PDE7B: variants seen among roughly 807,000 people sequenced by gnomAD.
PDE7B encodes the protein phosphodiesterase 7B.
Under a neutral mutation model 56.2 loss-of-function variants are expected in PDE7B, and 29 were observed. The ratio of observed to expected loss-of-function variants is 0.52; its 90% CI spans 0.38 to 0.70. The LOEUF is 0.70. PDE7B is among the 30% of genes least tolerant of loss of function. PDE7B has a pLI of 0.00. For synonymous variants in PDE7B, 197 were observed against 196.9 expected (o/e 1.00, Z 0.00); for missense variants, 490 against 565.0 (o/e 0.87, Z 1.35).
chr6:136,081,207 T>C (rs575075786), intron 2 of PDE7B, among the ~76,000 whole-genome samples: 1 of 152,056 alleles, frequency 6.6e-6, no homozygotes, highest in South Asian at 2.1e-4. Context: ...CAGTATGATT[T>C]TGGGAGATGG....
intron 1 of PDE7B, among the ~76,000 whole-genome samples, chr6:135,906,810 GTTT>G (rs869049424): frequency 0.025 from 1,485 of 59,502 alleles, 43 homozygotes; most frequent in African/African-American, 0.093. Flanking sequence ...AATGAGGTTT[GTTT>G]TTTTTTTTTT....
intron 2 of PDE7B, among the ~76,000 whole-genome samples, chr6:136,004,691 A>G (rs1775743589): frequency 6.6e-6 from 1 of 152,190 alleles, no homozygotes; most frequent in South Asian, 2.1e-4. Flanking sequence ...CCACTGCTCA[A>G]GGAAATAAAA....
At position 135,947,576 on chromosome 6, in the gene PDE7B, G is replaced by A. The variant is rs559641554; in HGVS notation, c.82+52G>A. 2.2e-5 allele frequency: 30 copies of A among 1,343,586 alleles called. No individual in the cohort carries two copies. In the South Asian group the frequency reaches 2.6e-4, roughly 12 times the overall value. The allele number at this position is 1,343,586 out of a possible 1,614,324, so 83.2% of individuals were successfully genotyped here. Reference sequence around the variant, plus strand: ...ATTAAGCATGTTGATGTCATGTGGAGTTATCATTCTGTTGCCTTTTTGGCT... The same window carrying A: ...ATTAAGCATGTTGATGTCATGTGGAATTATCATTCTGTTGCCTTTTTGGCT... On this transcript the variant is annotated intron_variant, in intron 2 of 12. Coordinates refer to ENST00000308191, the MANE Select transcript of PDE7B (RefSeq NM_018945.4).
chr6:136,162,655 C>T (rs1054434637), intron 8 of PDE7B, among the ~76,000 whole-genome samples: 1 of 152,144 alleles, frequency 6.6e-6, no homozygotes, highest in African/African-American at 2.4e-5. Flanking sequence ...AGTCCAAGTC[C>T]ATAGTCTCAT....
intron 1 of PDE7B, among the ~76,000 whole-genome samples, chr6:135,867,656 C>T (rs1354527806): frequency 6.6e-6 from 1 of 152,148 alleles, no homozygotes; most frequent in Non-Finnish European, 1.5e-5. Flanking sequence ...AAACGTTACT[C>T]TTCTCCGTTG....
At chr6:135,862,348 A>G (rs1775166514) in intron 1 of PDE7B, among the ~76,000 whole-genome samples, 1 of 151,766 alleles carries the variant, frequency 6.6e-6, no homozygotes, top group African/African-American at 2.4e-5. Flanking sequence ...TAATTTCAAA[A>G]CTGAAATCCT....
At chr6:135,937,138 AG>A (rs1774434110) in intron 1 of PDE7B, among the ~76,000 whole-genome samples, 1 of 152,186 alleles carries the variant, frequency 6.6e-6, no homozygotes, top group Non-Finnish European at 1.5e-5. Flanking sequence ...TTTCCACCTA[AG>A]GGTCCTGTTC....
intron 2 of PDE7B, among the ~76,000 whole-genome samples, chr6:135,998,340 G>A (rs182961099): frequency 3.2e-4 from 48 of 152,144 alleles, no homozygotes; most frequent in African/African-American, 8.7e-4. Flanking sequence ...GGTTCCTGTC[G>A]ACTAAGTAGA....
chr6:136,125,287 G>T (rs1778003713), intron 3 of PDE7B, among the ~76,000 whole-genome samples: 1 of 152,116 alleles, frequency 6.6e-6, no homozygotes, highest in Non-Finnish European at 1.5e-5. Context: ...TTATATGTAA[G>T]TAAGGGCCCG....
At chr6:136,140,898 A>T in intron 3 of PDE7B, among the ~76,000 whole-genome samples, 1 of 152,108 alleles carries the variant, frequency 6.6e-6, no homozygotes, top group Non-Finnish European at 1.5e-5. Context: ...ATATACAATC[A>T]TGTCGTCTGC....
intron 7 of PDE7B, 83 bp from the exon 8 acceptor site, chr6:136,155,544 C>G: frequency 8.8e-7 from 1 of 1,141,272 alleles, no homozygotes; most frequent in South Asian, 1.4e-5. Context: ...CATGATGATT[C>G]ATTGTGTTTG....
chr6:136,003,714 C>T (rs868355537), intron 2 of PDE7B, among the ~76,000 whole-genome samples: 63 of 152,302 alleles, frequency 4.1e-4, no homozygotes, highest in Middle Eastern at 3.4e-3. Context: ...TAATCAATAG[C>T]TTACCAACAA....
chr6:136,016,105 T>C (rs1315400213), intron 2 of PDE7B, among the ~76,000 whole-genome samples: 1 of 152,194 alleles, frequency 6.6e-6, no homozygotes, highest in Non-Finnish European at 1.5e-5. Flanking sequence ...GTTTCTCAAT[T>C]GTGCTAAATT....
At chr6:135,902,285 G>T (rs1418115873) in intron 1 of PDE7B, among the ~76,000 whole-genome samples, 1 of 151,628 alleles carries the variant, frequency 6.6e-6, no homozygotes, top group Admixed American at 6.6e-5. Context: ...GTCAATGGAA[G>T]CAGAGCACAC....
Position 135,947,534 on chromosome 6 carries a change from C to A in PDE7B, c.82+10C>A. On this transcript the variant is annotated intron_variant, in intron 2 of 12. Transcript: ENST00000308191. Reference sequence around the variant, plus strand: ...TGTGTTTGCATGCTGGGTAAGAAGGCTTCTCATTTTAAATATATTAAGCAT... The same window carrying A: ...TGTGTTTGCATGCTGGGTAAGAAGGATTCTCATTTTAAATATATTAAGCAT... 1.3e-6 allele frequency: 2 copies of A among 1,598,748 alleles called. No individual in the cohort carries two copies. Among genetic ancestry groups the A allele is most frequent in the Admixed American group, 3.3e-5 (2 of 59,910 alleles).
chr6:136,062,179 A>G (rs1776856212), intron 2 of PDE7B, among the ~76,000 whole-genome samples: 1 of 152,188 alleles, frequency 6.6e-6, no homozygotes, highest in Non-Finnish European at 1.5e-5. Flanking sequence ...AGGTAAATAC[A>G]GTACTATTAT....
At chr6:135,929,641 G>T (rs933230071) in intron 1 of PDE7B, among the ~76,000 whole-genome samples, 2 of 152,054 alleles carry the variant, frequency 1.3e-5, no homozygotes, top group African/African-American at 4.8e-5. Flanking sequence ...GTACATATGT[G>T]ACTTGCTTTA....
chr6:135,973,508 T>C (rs746923288), intron 2 of PDE7B, among the ~76,000 whole-genome samples: 3 of 152,208 alleles, frequency 2.0e-5, no homozygotes, highest in Non-Finnish European at 4.4e-5. Context: ...GGTTGCAGGA[T>C]AGTATTATAG....
intron 3 of PDE7B, among the ~76,000 whole-genome samples, chr6:136,115,484 G>C (rs1777815793): frequency 6.6e-6 from 1 of 152,102 alleles, no homozygotes; most frequent in African/African-American, 2.4e-5. Flanking sequence ...GAAAGACAAA[G>C]TATTCTAGTG....
Sources: gnomAD v4.1 joint callset for allele counts (sites outside exome capture counted in the v4.1 genomes callset) on GRCh38, gnomAD v4.1.1 for gene constraint, MANE v1.5 for transcripts, NCBI Gene and HGNC (gene_info 2026-07-23, HGNC 2026-07-21) for gene names.